Variants in DACH1 observed in about 807,000 individuals in gnomAD.
DACH1 encodes the protein dachshund family transcription factor 1, also known as dachshund homolog 1.
Under a neutral mutation model 54.2 loss-of-function variants are expected in DACH1, and 12 were observed. The ratio of observed to expected loss-of-function variants is 0.22; its 90% CI spans 0.14 to 0.36. The LOEUF (loss-of-function observed/expected upper bound fraction) is 0.36. Among genes scored for constraint, DACH1 ranks in the 10% least tolerant of loss-of-function variants. The probability of loss-of-function intolerance (pLI) is 1.00; values close to 1 mark genes in which losing one functional copy is unlikely to be tolerated. For missense variants in DACH1, 805 were observed against 929.8 expected (o/e 0.87, Z 1.75); for synonymous variants, 386 against 366.2 (o/e 1.05, Z -0.62).
intron 1 of DACH1, among the ~76,000 whole-genome samples, chr13:71,712,712 G>T (rs568125102): frequency 6.6e-6 from 1 of 152,032 alleles, no homozygotes; most frequent in Non-Finnish European, 1.5e-5. Flanking sequence ...TGTTGCTTTA[G>T]TTTACATTTC....
intron 6 of DACH1, among the ~76,000 whole-genome samples, chr13:71,511,578 A>C (rs550011613): frequency 6.6e-6 from 1 of 152,008 alleles, no homozygotes. Context: ...AAATATAAAC[A>C]AAACAAAACA....
At chr13:71,762,696 G>A (rs1425976117) in intron 1 of DACH1, among the ~76,000 whole-genome samples, 1 of 149,866 alleles carries the variant, frequency 6.7e-6, no homozygotes, top group African/African-American at 2.5e-5. Flanking sequence ...GAACCCAGGA[G>A]GCGGAGATTG....
chr13:71,496,283 A>G (rs1202879213), intron 6 of DACH1, among the ~76,000 whole-genome samples: 3 of 122,910 alleles, frequency 2.4e-5, no homozygotes, highest in Admixed American at 1.7e-4. Flanking sequence ...ATATATATAT[A>G]TATATATATA....
At chr13:71,468,017 C>T (rs1250794024) in intron 10 of DACH1, among the ~76,000 whole-genome samples, 1 of 152,138 alleles carries the variant, frequency 6.6e-6, no homozygotes, top group Non-Finnish European at 1.5e-5. Flanking sequence ...TTCTCCCCCA[C>T]ATCCCCCTTT....
chr13:71,597,183 T>C (rs1294750558), intron 3 of DACH1, among the ~76,000 whole-genome samples: 1 of 152,182 alleles, frequency 6.6e-6, no homozygotes, highest in South Asian at 2.1e-4. Flanking sequence ...TCATGACATT[T>C]ATTTGAGGTC....
intron 3 of DACH1, among the ~76,000 whole-genome samples, chr13:71,592,449 C>G (rs1022765030): frequency 7.3e-6 from 1 of 137,158 alleles, no homozygotes; most frequent in African/African-American, 2.9e-5. Context: ...GAGTCATAAC[C>G]GTGCCACTGC....
chr13:71,591,174 C>T (rs997143506), intron 3 of DACH1, among the ~76,000 whole-genome samples: 4 of 151,984 alleles, frequency 2.6e-5, no homozygotes, highest in Non-Finnish European at 4.4e-5. Context: ...CTGTTGCGAC[C>T]GGCCTCAATT....
intron 1 of DACH1, among the ~76,000 whole-genome samples, chr13:71,782,374 A>C (rs1426380116): frequency 6.6e-6 from 1 of 152,130 alleles, no homozygotes; most frequent in Non-Finnish European, 1.5e-5. Context: ...CCTGGGAGGC[A>C]GAGGTTGAAG....
At chr13:71,813,076 A>T (rs1887780743) in intron 1 of DACH1, among the ~76,000 whole-genome samples, 1 of 152,226 alleles carries the variant, frequency 6.6e-6, no homozygotes. Context: ...TAAACATATT[A>T]ACAATGGTCT....
At chr13:71,850,471 C>T (rs879341136) in intron 1 of DACH1, among the ~76,000 whole-genome samples, 1 of 152,136 alleles carries the variant, frequency 6.6e-6, no homozygotes, top group Admixed American at 6.5e-5. Context: ...ATATGACCTG[C>T]TAATAGCTTC....
chr13:71,506,161 G>C (rs2138244653), intron 6 of DACH1, among the ~76,000 whole-genome samples: 1 of 150,448 alleles, frequency 6.6e-6, no homozygotes. Flanking sequence ...TATACTTTAA[G>C]TTTTAGGGTA....
intron 10 of DACH1, among the ~76,000 whole-genome samples, chr13:71,462,100 C>G (rs1245454527): frequency 1.3e-5 from 2 of 151,790 alleles, no homozygotes. Context: ...AGCCATCATT[C>G]ATCGTTTTAT....
chr13:71,843,870 A>G (rs1054467488), intron 1 of DACH1, among the ~76,000 whole-genome samples: 2 of 152,206 alleles, frequency 1.3e-5, no homozygotes, highest in African/African-American at 4.8e-5. Context: ...AGCTTTGCCC[A>G]TTGCTTAAAC....
At chr13:71,785,977 T>C (rs573234997) in intron 1 of DACH1, among the ~76,000 whole-genome samples, 105 of 152,130 alleles carry the variant, frequency 6.9e-4, no homozygotes, top group African/African-American at 2.4e-3. Flanking sequence ...GGGAGCACCA[T>C]GAGGGGCAGG....
At chr13:71,759,284 T>C (rs1245949396) in intron 1 of DACH1, among the ~76,000 whole-genome samples, 2 of 152,250 alleles carry the variant, frequency 1.3e-5, no homozygotes, top group East Asian at 1.9e-4. Context: ...GAAGCCTTTA[T>C]TTTTTCTTCA....
Position 71,866,213 on chromosome 13 carries a change from T to C in DACH1, c.557A>G (p.Asn186Ser). ...PSPVENTPQN[N>S]ECKMVDLRGA... is the part of the protein sequence containing the mutation. ...CCTCAGATCCACCATTTTGCACTCA[T>C]TATTCTGAGGGGTGTTTTCCACTGG... The change falls in exon 1 of 11, where the codon AAT becomes AGT. Residue 186 changes from asparagine (N) to serine (S), a missense_variant. Asn to Ser is a conservative substitution (Grantham distance 46). Transcript: ENST00000613252. The C allele has an allele frequency of 1.9e-6, 3 of 1,612,498 alleles. No individual in the cohort carries two copies. The highest frequency in any genetic ancestry group is 2.5e-6 in the Non-Finnish European group (3 of 1,179,322).
chr13:71,516,908 GCA>G (rs1011127137), intron 6 of DACH1, among the ~76,000 whole-genome samples: 1 of 119,640 alleles, frequency 8.4e-6, no homozygotes, highest in Non-Finnish European at 1.7e-5. Context: ...ATATATATAT[GCA>G]CACACATATA....
intron 1 of DACH1, among the ~76,000 whole-genome samples, chr13:71,761,401 A>G (rs1002546091): frequency 1.3e-5 from 2 of 152,186 alleles, no homozygotes; most frequent in African/African-American, 2.4e-5. Context: ...AAAATTTCCT[A>G]TAGGTAGATT....
intron 1 of DACH1, among the ~76,000 whole-genome samples, chr13:71,715,406 T>C (rs980479940): frequency 6.6e-6 from 1 of 152,082 alleles, no homozygotes; most frequent in African/African-American, 2.4e-5. Flanking sequence ...TTAATAAGAA[T>C]GTGAACAGTG....
Sources: gnomAD v4.1 joint callset for allele counts (sites outside exome capture counted in the v4.1 genomes callset) on GRCh38, gnomAD v4.1.1 for gene constraint, MANE v1.5 for transcripts, NCBI Gene and HGNC (gene_info 2026-07-23, HGNC 2026-07-21) for gene names.